The following LRRC37A2 variants were observed in gnomAD, a reference collection of about 807,000 sequenced individuals.
LRRC37A2 encodes leucine rich repeat containing 37 member A2.
In LRRC37A2, 9 loss-of-function variants were observed where a neutral mutation model predicts 68.8. The ratio of observed to expected loss-of-function variants is 0.13; its 90% CI spans 0.08 to 0.23. The LOEUF (loss-of-function observed/expected upper bound fraction) is 0.23, where lower values mean the gene tolerates loss of function less well. Ranked by LOEUF, LRRC37A2 falls within the 10% of genes least tolerant of loss-of-function variation. The probability of loss-of-function intolerance (pLI) is 1.00; values close to 1 mark genes in which losing one functional copy is unlikely to be tolerated. For synonymous variants in LRRC37A2, 63 were observed against 367.6 expected, an observed-to-expected ratio of 0.17 and a Z score of 9.48; for missense variants, 168 against 950.4, an observed-to-expected ratio of 0.18 and a Z score of 10.82.
the LRRC37A2 span, among the ~76,000 whole-genome samples, chr17:46,882,582 C>T: frequency 1.7e-4 from 26 of 152,062 alleles, no homozygotes; most frequent in Non-Finnish European, 3.1e-4. Context: ...ATTACAGGCT[C>T]ACCCATGATG....
the LRRC37A2 span, among the ~76,000 whole-genome samples, chr17:46,862,772 T>C: frequency 3.9e-5 from 6 of 152,082 alleles, no homozygotes; most frequent in African/African-American, 1.4e-4. Context: ...TTAGTAGAGA[T>C]GGGGTTTTAC....
At chr17:46,924,338 C>T in the LRRC37A2 span, 1 of 152,618 alleles carries the variant, frequency 6.6e-6, no homozygotes, top group East Asian at 1.9e-4. Flanking sequence ...TATGTGTCTA[C>T]CACATTTTGT....
At chr17:46,804,277 G>A in the LRRC37A2 span, among the ~76,000 whole-genome samples, 6 of 151,900 alleles carry the variant, frequency 3.9e-5, 1 homozygote, top group South Asian at 4.1e-4. Flanking sequence ...TAGTAGAGAC[G>A]GGGTTTCAGC....
the LRRC37A2 span, among the ~76,000 whole-genome samples, chr17:46,717,821 T>A: frequency 6.6e-6 from 1 of 152,002 alleles, no homozygotes; most frequent in African/African-American, 2.4e-5. Flanking sequence ...GTGACGGAAA[T>A]CACGCTTAAC....
chr17:46,498,082 A>G, the LRRC37A2 span, among the ~76,000 whole-genome samples: 1 of 140,020 alleles, frequency 7.1e-6, no homozygotes, highest in Non-Finnish European at 1.5e-5. Flanking sequence ...GTGTGTGCCA[A>G]CACACCCAGC....
chr17:47,000,098 A>ATAAAAT, the LRRC37A2 span, among the ~76,000 whole-genome samples: 7 of 133,162 alleles, frequency 5.3e-5, no homozygotes, highest in East Asian at 2.6e-3. Context: ...AAATAAAATA[A>ATAAAAT]AATAAAATAA....
At chr17:46,936,911 A>C in the LRRC37A2 span, 6 of 641,492 alleles carry the variant, frequency 9.4e-6, no homozygotes, top group Non-Finnish European at 1.2e-5. Context: ...CATGATGCCT[A>C]ATGTTGATCT....
chr17:46,978,451 C>A, the LRRC37A2 span: 1 of 578,998 alleles, frequency 1.7e-6, no homozygotes, highest in East Asian at 3.3e-5. Context: ...CGCTGCAGCG[C>A]ACACAGGACA....
At chr17:46,723,496 T>C in the LRRC37A2 span, among the ~76,000 whole-genome samples, 6 of 152,226 alleles carry the variant, frequency 3.9e-5, no homozygotes, top group Admixed American at 1.3e-4. Flanking sequence ...GGAACCATCA[T>C]TGTGTATCAA....
chr17:46,751,926 A>G, the LRRC37A2 span, among the ~76,000 whole-genome samples: 148,376 of 152,276 alleles, frequency 0.97, 72,379 homozygotes, highest in East Asian at 1. Flanking sequence ...TTTTGGAGAT[A>G]AGGATACTAT....
chr17:46,804,504 C>T, the LRRC37A2 span, among the ~76,000 whole-genome samples: 322 of 152,290 alleles, frequency 2.1e-3, 1 homozygote, highest in Middle Eastern at 0.037. Flanking sequence ...AGACACCAGA[C>T]GGAAGCCTCT....
At chr17:46,837,263 G>A in the LRRC37A2 span, among the ~76,000 whole-genome samples, 13 of 152,232 alleles carry the variant, frequency 8.5e-5, no homozygotes, top group Admixed American at 8.5e-4. Context: ...TATTTCACAT[G>A]ATATTTGTTT....
chr17:46,818,542 A>T, the LRRC37A2 span: 1 of 1,608,646 alleles, frequency 6.2e-7, no homozygotes, highest in Non-Finnish European at 8.5e-7. Context: ...GCCAGCGAGG[A>T]CCCTGGTGCC....
At chr17:46,840,497 T>C in the LRRC37A2 span, among the ~76,000 whole-genome samples, 3 of 152,252 alleles carry the variant, frequency 2.0e-5, no homozygotes, top group African/African-American at 7.2e-5. Flanking sequence ...TATAGTAGCA[T>C]GATTTATAAT....
chr17:46,749,723 C>G, the LRRC37A2 span: 9 of 1,503,338 alleles, frequency 6.0e-6, no homozygotes, highest in South Asian at 1.1e-4. Flanking sequence ...CTGTAGTTTC[C>G]TAATTAGTCT....
At chr17:46,780,556 A>G in the LRRC37A2 span, among the ~76,000 whole-genome samples, 1 of 152,232 alleles carries the variant, frequency 6.6e-6, no homozygotes, top group Non-Finnish European at 1.5e-5. Flanking sequence ...TGGGAGGCCG[A>G]GGCGGGAGGA....
chr17:46,953,003 C>T, the LRRC37A2 span, among the ~76,000 whole-genome samples: 1 of 151,848 alleles, frequency 6.6e-6, no homozygotes, highest in African/African-American at 2.4e-5. Flanking sequence ...TCTGAGCCCC[C>T]CAAATTCTTT....
chr17:46,716,994 G>C, the LRRC37A2 span, among the ~76,000 whole-genome samples: 1 of 151,882 alleles, frequency 6.6e-6, no homozygotes, highest in Non-Finnish European at 1.5e-5. Context: ...TTGTTTCCAG[G>C]TTTTTTTCAC....
At chr17:46,778,626 G>A in the LRRC37A2 span, among the ~76,000 whole-genome samples, 2 of 152,054 alleles carry the variant, frequency 1.3e-5, no homozygotes, top group South Asian at 2.1e-4. Flanking sequence ...TGAAGTACAC[G>A]TTCCACTTCG....
Sources: gnomAD v4.1 joint callset for allele counts (sites outside exome capture counted in the v4.1 genomes callset) on GRCh38, gnomAD v4.1.1 for gene constraint, MANE v1.5 for transcripts, NCBI Gene and HGNC (gene_info 2026-07-23, HGNC 2026-07-21) for gene names.